GPR141: variants seen among roughly 807,000 people sequenced by gnomAD.
The protein encoded by GPR141 is probable G protein-coupled receptor 141.
In GPR141, 6 loss-of-function variants were observed where a neutral mutation model predicts 6.8. The ratio of observed to expected loss-of-function variants is 0.88; its 90% CI spans 0.48 to 1.74. GPR141 has a LOEUF of 1.74. GPR141 is among the 40% of genes most tolerant of loss of function. The probability of loss-of-function intolerance (pLI) is 0.01; values close to 1 mark genes in which losing one functional copy is unlikely to be tolerated. For missense variants in GPR141, 372 were observed against 372.9 expected (o/e 1.00, Z 0.02); for synonymous variants, 140 against 142.3 (o/e 0.98, Z 0.11).
rs148854754 is a variant in GPR141 at position 37,741,085 on chromosome 7, T to A, written c.692T>A (p.Ile231Lys). ...FWAQLKNLFF[I>K]GVILVCFLPY... ...GCTCAGCTGAAAAACCTATTTTTTA[T>A]AGGGGTCATCCTTGTTTGTTTCCTT... The change falls in exon 3 of 3, where the codon ATA becomes AAA. Residue 231 changes from isoleucine to lysine, a missense_variant. Coordinates refer to ENST00000334425, the MANE Select transcript of GPR141 (RefSeq NM_001381946.1). 4 of 1,614,044 alleles carry A rather than the reference T, an allele frequency of 2.5e-6. No individual in the cohort carries two copies. The highest frequency in any genetic ancestry group is 3.4e-6 in the Non-Finnish European group (4 of 1,179,888).
chr7:37,685,156 C>A (rs1016345996), intron 1 of GPR141: 1 of 152,178 alleles, frequency 6.6e-6, no homozygotes, highest in Non-Finnish European at 1.5e-5. Context: ...TTAGGTGACA[C>A]AATTTTCCAA....
At chr7:37,720,253 C>T (rs1212784517) in intron 2 of GPR141, among the ~76,000 whole-genome samples, 1 of 152,128 alleles carries the variant, frequency 6.6e-6, no homozygotes, top group Non-Finnish European at 1.5e-5. Flanking sequence ...AGGCACTCAT[C>T]CTGGGTTCAC....
At chr7:37,711,752 C>T (rs1583546362) in intron 2 of GPR141, among the ~76,000 whole-genome samples, 1 of 152,214 alleles carries the variant, frequency 6.6e-6, no homozygotes, top group African/African-American at 2.4e-5. Context: ...TCTCTTGTCC[C>T]TGAGTACTTC....
At chr7:37,733,497 CTCCGTCTCTACTATAA>C (rs1812076376) in intron 2 of GPR141, among the ~76,000 whole-genome samples, 1 of 151,822 alleles carries the variant, frequency 6.6e-6, no homozygotes, top group African/African-American at 2.4e-5. Flanking sequence ...AATGGTGAAA[CTCCGTCTCTACTATAA>C]TACAAAAAAT....
chr7:37,713,777 C>A (rs1365960119), intron 2 of GPR141, among the ~76,000 whole-genome samples: 2 of 152,166 alleles, frequency 1.3e-5, no homozygotes, highest in African/African-American at 4.8e-5. Context: ...TTATTTCTCT[C>A]CTGTGTAATT....
At chr7:37,726,974 A>G (rs1811663568) in intron 2 of GPR141, among the ~76,000 whole-genome samples, 1 of 152,232 alleles carries the variant, frequency 6.6e-6, no homozygotes, top group South Asian at 2.1e-4. Context: ...GTATGCAAAT[A>G]GAAAATGGAG....
chr7:37,715,388 C>T (rs1810999640), intron 2 of GPR141, among the ~76,000 whole-genome samples: 1 of 152,156 alleles, frequency 6.6e-6, no homozygotes, highest in Non-Finnish European at 1.5e-5. Context: ...CCTCGGCCTC[C>T]CAAAGTGCTG....
At chr7:37,732,119 A>C (rs1259107693) in intron 2 of GPR141, among the ~76,000 whole-genome samples, 2 of 146,642 alleles carry the variant, frequency 1.4e-5, no homozygotes, top group African/African-American at 5.0e-5. Context: ...AGAACTTTCT[A>C]ACTTCTCCTT....
At chr7:37,721,569 G>C (rs1156616797) in intron 2 of GPR141, among the ~76,000 whole-genome samples, 1 of 152,176 alleles carries the variant, frequency 6.6e-6, no homozygotes, top group African/African-American at 2.4e-5. Context: ...ATCCATAGAT[G>C]TTGGTTACTT....
chr7:37,740,635 G>A lies in GPR141; in HGVS notation c.242G>A (p.Trp81Ter), dbSNP rs1325096796. The A allele has an allele frequency of 6.8e-6, 11 of 1,613,954 alleles. No individual in the cohort carries two copies. Among genetic ancestry groups the A allele is most frequent in the Non-Finnish European group, 9.3e-6 (11 of 1,179,988 alleles). ...TTGACCTACCTCATCAAGAAGACTTGGATGTTTGGGCTGCCCTTCTGCAAA... is the reference window on the plus strand; with the variant it reads ...TTGACCTACCTCATCAAGAAGACTTAGATGTTTGGGCTGCCCTTCTGCAAA... ...FRLTYLIKKT[W>*]MFGLPFCKFV... is the part of the protein sequence containing the mutation. Residue 81 changes from tryptophan to a stop codon, truncating the protein, a stop_gained, in exon 3 of 3, where the codon TGG becomes TAG. Transcript: ENST00000334425. LOFTEE classifies it low-confidence loss of function (END_TRUNC).
intron 2 of GPR141, among the ~76,000 whole-genome samples, chr7:37,710,591 G>C (rs78974752): frequency 2.6e-5 from 4 of 151,984 alleles, no homozygotes; most frequent in Non-Finnish European, 4.4e-5. Context: ...TCTTGAATTG[G>C]GTTCCACACA....
At chr7:37,708,152 A>G (rs1449447928) in intron 2 of GPR141, among the ~76,000 whole-genome samples, 1 of 151,996 alleles carries the variant, frequency 6.6e-6, no homozygotes, top group African/African-American at 2.4e-5. Flanking sequence ...TGTAATGATA[A>G]AATTTTATAA....
chr7:37,731,475 A>T (rs1811930273), intron 2 of GPR141, among the ~76,000 whole-genome samples: 1 of 152,104 alleles, frequency 6.6e-6, no homozygotes, highest in Non-Finnish European at 1.5e-5. Flanking sequence ...GCAAAGGAAT[A>T]CTCTGTCGCC....
intron 2 of GPR141, among the ~76,000 whole-genome samples, chr7:37,687,587 C>T (rs886128118): frequency 6.6e-6 from 1 of 152,002 alleles, no homozygotes; most frequent in African/African-American, 2.4e-5. Flanking sequence ...AGATAAGTCC[C>T]AAATATAATC....
intron 2 of GPR141, among the ~76,000 whole-genome samples, chr7:37,725,744 G>A (rs774246116): frequency 2.0e-5 from 3 of 152,092 alleles, no homozygotes; most frequent in Non-Finnish European, 2.9e-5. Context: ...TCTTTTTGTA[G>A]GTGGAAGAAG....
At chr7:37,710,059 A>C (rs913701106) in intron 2 of GPR141, among the ~76,000 whole-genome samples, 3 of 152,232 alleles carry the variant, frequency 2.0e-5, no homozygotes, top group African/African-American at 7.2e-5. Flanking sequence ...AAGTAGAGAA[A>C]CTGAGAGTAC....
intron 2 of GPR141, among the ~76,000 whole-genome samples, chr7:37,692,331 CT>C (rs1274025893): frequency 2.0e-5 from 3 of 152,230 alleles, no homozygotes; most frequent in East Asian, 3.9e-4. Flanking sequence ...TGAACGCATC[CT>C]TTTTTATGGC....
Position 37,704,909 on chromosome 7 carries a change from C to T in GPR141, c.-15+19326C>T, listed in dbSNP as rs112591238. ...AAAAGATGTTTAAAAAATGATTTTT[C>T]GCATTTTAGGGTACTTTCCACTGTG... On this transcript the variant is annotated intron_variant, in intron 2 of 2. Coordinates refer to ENST00000334425, the MANE Select transcript of GPR141 (RefSeq NM_001381946.1). Among the ~76,000 whole-genome samples, 242 of 152,116 alleles carry T rather than the reference C, an allele frequency of 1.6e-3. 1 individual carries two copies. Among genetic ancestry groups the T allele is most frequent in the African/African-American group, 5.8e-3 (239 of 41,488 alleles).
chr7:37,727,912 G>A (rs539105725), intron 2 of GPR141, among the ~76,000 whole-genome samples: 3 of 152,316 alleles, frequency 2.0e-5, no homozygotes, highest in East Asian at 1.9e-4. Flanking sequence ...GCAACATGCC[G>A]TAAATATGGG....
Sources: gnomAD v4.1 joint callset for allele counts (sites outside exome capture counted in the v4.1 genomes callset) on GRCh38, gnomAD v4.1.1 for gene constraint, MANE v1.5 for transcripts, NCBI Gene and HGNC (gene_info 2026-07-23, HGNC 2026-07-21) for gene names.